Variants in SGK2 observed in about 807,000 individuals in gnomAD.
The protein encoded by SGK2 is serum/glucocorticoid regulated kinase 2.
SGK2 carries 36 observed loss-of-function variants against 47.5 expected under a neutral mutation model. The observed-to-expected ratio is 0.76, with a 90% CI of 0.58 to 1.00. SGK2 has a LOEUF of 1.00. Among genes scored for constraint, SGK2 ranks in the 50% least tolerant of loss-of-function variants. SGK2 has a pLI of 0.00. For synonymous variants in SGK2, 157 were observed against 181.9 expected (o/e 0.86, Z 1.10); for missense variants, 404 against 467.4 (o/e 0.86, Z 1.25).
chr20:43,571,495 G>A (rs1474008613), intron 8 of SGK2, among the ~76,000 whole-genome samples: 2 of 152,182 alleles, frequency 1.3e-5, no homozygotes, highest in Non-Finnish European at 2.9e-5. Context: ...TGATCTTGCC[G>A]GCAGGGGGAG....
At chr20:43,561,684 G>A (rs1979391266) in intron 1 of SGK2, among the ~76,000 whole-genome samples, 1 of 151,402 alleles carries the variant, frequency 6.6e-6, no homozygotes, top group African/African-American at 2.4e-5. Context: ...ACCGCGCCCA[G>A]CTGAGGCTTT....
In SGK2 at chr20:43,571,938, C is replaced by G. The variant is rs1381856043; in HGVS notation, c.511-113C>G. 4.5e-5 allele frequency: 31 copies of G among 693,824 alleles called. 1 individual carries two copies. In the East Asian group the frequency reaches 8.0e-4, roughly 18 times the overall value. 43.0% of individuals were successfully genotyped at this position (693,824 alleles called of 1,614,324 possible). ...GTGGAGCCTCCAGCCTGTGCCTGGG[C>G]ATCAGATCCCACAGCTGCTGCCCTG... On this transcript the variant is annotated intron_variant, in intron 8 of 12. Coordinates refer to ENST00000373100, the MANE Select transcript of SGK2 (RefSeq NM_170693.3).
chr20:43,575,648 G>C (rs1258512897), intron 10 of SGK2, among the ~76,000 whole-genome samples: 1 of 152,138 alleles, frequency 6.6e-6, no homozygotes, highest in African/African-American at 2.4e-5. Context: ...CCAGTCCTAG[G>C]CTGCCTGCTT....
At position 43,567,583 on chromosome 20, in the gene SGK2, A is replaced by G. The variant is rs1397476799; in HGVS notation, c.87-82A>G. 4.6e-6 allele frequency: 6 copies of G among 1,316,978 alleles called. No homozygotes were observed. The Admixed American group carries it at 8.9e-5, about 20-fold the overall frequency. 81.6% of individuals were successfully genotyped at this position (1,316,978 alleles called of 1,614,324 possible). Reference sequence around the variant, plus strand: ...CTCTGTATTTCCCCATTCTAAAGTTAAAAAGAAGCCCAGGTTTGTTCTCAG... The same window carrying G: ...CTCTGTATTTCCCCATTCTAAAGTTGAAAAGAAGCCCAGGTTTGTTCTCAG... On this transcript the variant is annotated intron_variant, in intron 3 of 12. Coordinates refer to ENST00000373100, the MANE Select transcript of SGK2 (RefSeq NM_170693.3).
intron 4 of SGK2, 92 bp from the exon 5 acceptor site, chr20:43,567,824 G>A: frequency 6.5e-7 from 1 of 1,544,310 alleles, no homozygotes; most frequent in East Asian, 2.2e-5. Flanking sequence ...ACTCGCACCT[G>A]CAGACAAAAG....
rs1272393391 is a variant in SGK2, at chr20:43,580,335, C to T, written c.939+274C>T. Reference sequence around the variant, plus strand: ...TTGTGAAGTGCTCTGTTTCGCACAGCACACCCACATAGGGCCAAGCCCTTT... The same window carrying T: ...TTGTGAAGTGCTCTGTTTCGCACAGTACACCCACATAGGGCCAAGCCCTTT... On this transcript the variant is annotated intron_variant, in intron 12 of 12. Transcript: ENST00000373100. 1.3e-5 allele frequency among the ~76,000 whole-genome samples: 2 copies of T among 152,200 alleles called. 1 individual carries two copies. Among genetic ancestry groups the T allele is most frequent in the African/African-American group, 4.8e-5 (2 of 41,454 alleles).
chr20:43,567,245 C>A, intron 3 of SGK2, 128 bp downstream of exon 3: 1 of 762,252 alleles, frequency 1.3e-6, no homozygotes, highest in Non-Finnish European at 2.3e-6. Flanking sequence ...GGCCCAGGAC[C>A]TTTCCCCAGC....
chr20:43,574,512 G>C (rs1980349737), intron 9 of SGK2, among the ~76,000 whole-genome samples: 1 of 152,206 alleles, frequency 6.6e-6, no homozygotes, highest in Admixed American at 6.5e-5. Context: ...ATAGAAAAAG[G>C]CATCCCCTCC....
chr20:43,577,930 C>T (rs930358664), intron 11 of SGK2, among the ~76,000 whole-genome samples: 1 of 152,122 alleles, frequency 6.6e-6, no homozygotes, highest in Non-Finnish European at 1.5e-5. Context: ...CAGGCATGAG[C>T]CACTGCGCCC....
chr20:43,571,450 C>G (rs1418693577), intron 8 of SGK2, among the ~76,000 whole-genome samples: 1 of 152,170 alleles, frequency 6.6e-6, no homozygotes, highest in African/African-American at 2.4e-5. Flanking sequence ...AAGGAAGAAG[C>G]TCACCTGCAT....
chr20:43,580,782 G>C (rs1311857638), intron 12 of SGK2, among the ~76,000 whole-genome samples: 1 of 149,078 alleles, frequency 6.7e-6, no homozygotes. Context: ...GTTTAAAGTA[G>C]CAGTGGCGAA....
chr20:43,563,135 C>CAAAAAAAAAA (rs796539305), intron 1 of SGK2, among the ~76,000 whole-genome samples: 6 of 70,642 alleles, frequency 8.5e-5, no homozygotes, highest in Admixed American at 1.7e-4. Context: ...GACTCTGTCT[C>CAAAAAAAAAA]AAAAAAAAAA....
chr20:43,579,662 C>G (rs576934569), intron 11 of SGK2, among the ~76,000 whole-genome samples: 3 of 152,182 alleles, frequency 2.0e-5, no homozygotes, highest in Non-Finnish European at 4.4e-5. Context: ...CCCCCACCCC[C>G]AGAGCAGATT....
chr20:43,560,111 T>G (rs535276696), intron 1 of SGK2, among the ~76,000 whole-genome samples: 2 of 152,044 alleles, frequency 1.3e-5, no homozygotes, highest in Non-Finnish European at 2.9e-5. Flanking sequence ...TGATGGGCCA[T>G]GGGCATGCCA....
At position 43,566,700 on chromosome 20, in the gene SGK2, A is replaced by G. The variant is rs183000202; in HGVS notation, c.36+169A>G. ...TAGAGATTTGAAATAGGGCTTCAAGATGAACTGGAAAAATCATGAGATTTG... is the reference window on the plus strand; with the variant it reads ...TAGAGATTTGAAATAGGGCTTCAAGGTGAACTGGAAAAATCATGAGATTTG... On this transcript the variant is annotated intron_variant, in intron 2 of 12. Transcript: ENST00000373100. Among the ~76,000 whole-genome samples, 14 of 152,282 alleles carry G rather than the reference A, an allele frequency of 9.2e-5. No individual in the cohort carries two copies. In the East Asian group the frequency reaches 2.7e-3, roughly 29 times the overall value.
chr20:43,583,213 T>C, intron 12 of SGK2: 1 of 1,289,836 alleles, frequency 7.8e-7, no homozygotes, highest in Non-Finnish European at 1.0e-6. Flanking sequence ...CAGAAAAGCT[T>C]CTTTTCGTTG....
intron 8 of SGK2, among the ~76,000 whole-genome samples, chr20:43,571,771 T>C (rs1444362907): frequency 6.6e-6 from 1 of 152,166 alleles, no homozygotes; most frequent in Non-Finnish European, 1.5e-5. Context: ...GTCCCCAGCC[T>C]CTGTCTAGGG....
chr20:43,574,993 C>T lies in SGK2; in HGVS notation c.682C>T (p.Leu228Phe), dbSNP rs763436249. 6 of 1,612,732 alleles carry T rather than the reference C, an allele frequency of 3.7e-6. No homozygotes were observed. The highest frequency in any genetic ancestry group is 1.3e-5 in the African/African-American group (1 of 74,858). Residue 228 changes from leucine (L) to phenylalanine (F), a missense_variant, in exon 10 of 13, where the codon CTC becomes TTC. By Grantham distance (22) the Leu-to-Phe change is conservative. Transcript: ENST00000373100. Reference sequence around the variant, plus strand: ...CTTGGGGGCAGTCCTCTACGAGATGCTCCATGGCCTGGTGAGTCAGGGGTA... The same window carrying T: ...CTTGGGGGCAGTCCTCTACGAGATGTTCCATGGCCTGGTGAGTCAGGGGTA... ...WCLGAVLYEM[L>F]HGLPPFYSQD...
chr20:43,567,744 G>C, intron 4 of SGK2, 22 bp downstream of exon 4: 1 of 1,613,272 alleles, frequency 6.2e-7, no homozygotes, highest in Non-Finnish European at 8.5e-7. Flanking sequence ...GGTGAGGGTG[G>C]GAAGCCTGGG....
Sources: gnomAD v4.1 joint callset for allele counts (sites outside exome capture counted in the v4.1 genomes callset) on GRCh38, gnomAD v4.1.1 for gene constraint, MANE v1.5 for transcripts, NCBI Gene and HGNC (gene_info 2026-07-23, HGNC 2026-07-21) for gene names.